CNTN5: variants seen among roughly 807,000 people sequenced by gnomAD.
CNTN5 encodes the protein contactin-5.
A neutral mutation model predicts 129.1 loss-of-function variants in CNTN5; 77 were observed. The ratio of observed to expected loss-of-function variants is 0.60; its 90% CI spans 0.50 to 0.72. The LOEUF is 0.72. Among genes scored for constraint, CNTN5 ranks in the 30% least tolerant of loss-of-function variants. The pLI is 0.00. For synonymous variants in CNTN5, 509 were observed against 465.6 expected (o/e 1.09, Z -1.20); for missense variants, 1,478 against 1,328.8 (o/e 1.11, Z -1.75).
intron 1 of CNTN5, among the ~76,000 whole-genome samples, chr11:99,041,007 G>A (rs1266608194): frequency 6.6e-6 from 1 of 152,096 alleles, no homozygotes. Context: ...TGTATTAAGA[G>A]AAAGAAGTGT....
intron 3 of CNTN5, among the ~76,000 whole-genome samples, chr11:99,744,426 C>T (rs890467236): frequency 6.6e-6 from 1 of 151,544 alleles, no homozygotes. Flanking sequence ...TGGGACTGGG[C>T]CCTGTGGCTC....
chr11:99,540,974 A>C (rs979119427), intron 2 of CNTN5, among the ~76,000 whole-genome samples: 2 of 152,182 alleles, frequency 1.3e-5, no homozygotes, highest in African/African-American at 4.8e-5. Flanking sequence ...AAAAAGAAAT[A>C]ATCAGTTTTG....
At chr11:99,728,105 A>G (rs1943413662) in intron 3 of CNTN5, among the ~76,000 whole-genome samples, 1 of 152,184 alleles carries the variant, frequency 6.6e-6, no homozygotes, top group Admixed American at 6.5e-5. Context: ...AGTAGGGAAA[A>G]GTGATGGATT....
At chr11:99,770,780 G>T (rs989535926) in intron 3 of CNTN5, among the ~76,000 whole-genome samples, 1 of 151,696 alleles carries the variant, frequency 6.6e-6, no homozygotes, top group African/African-American at 2.4e-5. Context: ...AAATTTCAAT[G>T]GATTTTTTAC....
rs562641841 is a variant in CNTN5 at position 99,094,985 on chromosome 11, C to CT, written c.-210+73722dup. Among the ~76,000 whole-genome samples the CT allele has an allele frequency of 3.3e-5, 5 of 151,832 alleles. No homozygotes were observed. The East Asian group carries it at 7.7e-4, about 23-fold the overall frequency. ...ATTATTATTATTATTAGGTTTCTAT[C>CT]TTTTTTTAAAATTATACTTTAACTT... On this transcript the variant is annotated intron_variant, in intron 1 of 24. Coordinates refer to ENST00000524871, the MANE Select transcript of CNTN5 (RefSeq NM_014361.4).
At chr11:99,330,447 A>G (rs920165215) in intron 2 of CNTN5, among the ~76,000 whole-genome samples, 2 of 152,196 alleles carry the variant, frequency 1.3e-5, no homozygotes, top group African/African-American at 4.8e-5. Flanking sequence ...AAGAGATCTC[A>G]TACATAATGG....
At chr11:100,292,433 C>T (rs1440408550) in intron 18 of CNTN5, among the ~76,000 whole-genome samples, 1 of 151,960 alleles carries the variant, frequency 6.6e-6, no homozygotes, top group Non-Finnish European at 1.5e-5. Context: ...CCTGGGCTGC[C>T]AAAATCTAGA....
intron 3 of CNTN5, among the ~76,000 whole-genome samples, chr11:99,651,398 A>G (rs907237195): frequency 2.0e-5 from 3 of 151,972 alleles, no homozygotes; most frequent in African/African-American, 7.2e-5. Flanking sequence ...TATCTTCCCT[A>G]AAAGCAATTC....
intron 6 of CNTN5, among the ~76,000 whole-genome samples, chr11:99,864,270 G>C (rs1021031707): frequency 6.6e-6 from 1 of 151,908 alleles, no homozygotes; most frequent in African/African-American, 2.4e-5. Flanking sequence ...TAGAATGAAA[G>C]AGATACTATC....
chr11:100,041,020 C>T (rs923918782), intron 9 of CNTN5, among the ~76,000 whole-genome samples: 12 of 152,168 alleles, frequency 7.9e-5, no homozygotes, highest in African/African-American at 2.7e-4. Flanking sequence ...GTGAGATGAA[C>T]CCGGTACCTC....
At chr11:99,801,152 G>A (rs1946102559) in intron 3 of CNTN5, among the ~76,000 whole-genome samples, 1 of 152,272 alleles carries the variant, frequency 6.6e-6, no homozygotes, top group African/African-American at 2.4e-5. Context: ...CTTAGGGCTT[G>A]CTCGTCTGCA....
intron 3 of CNTN5, among the ~76,000 whole-genome samples, chr11:99,747,247 T>A (rs1255548417): frequency 6.6e-6 from 1 of 152,186 alleles, no homozygotes; most frequent in Admixed American, 6.5e-5. Flanking sequence ...GTACTACTGA[T>A]TTTTGTATGT....
chr11:100,284,495 A>G (rs935214241), intron 18 of CNTN5, among the ~76,000 whole-genome samples: 2 of 152,312 alleles, frequency 1.3e-5, no homozygotes, highest in East Asian at 1.9e-4. Context: ...TACTTTCTCT[A>G]TTATTTAAAA....
At chr11:100,277,925 T>C (rs1452310025) in intron 18 of CNTN5, among the ~76,000 whole-genome samples, 4 of 152,152 alleles carry the variant, frequency 2.6e-5, no homozygotes, top group Admixed American at 6.5e-5. Flanking sequence ...TGTTTTCCTG[T>C]AGTAGTTTCA....
At chr11:99,906,371 A>C (rs887278600) in intron 6 of CNTN5, among the ~76,000 whole-genome samples, 2 of 152,118 alleles carry the variant, frequency 1.3e-5, no homozygotes, top group African/African-American at 2.4e-5. Context: ...ATTTTGTTGA[A>C]GGTCGTTTTT....
chr11:99,164,295 C>A (rs1860769881), intron 1 of CNTN5, among the ~76,000 whole-genome samples: 1 of 147,262 alleles, frequency 6.8e-6, no homozygotes, highest in African/African-American at 2.5e-5. Flanking sequence ...TATACTCCAG[C>A]CTGGGCAAGA....
At chr11:100,005,157 C>T (rs1316059600) in intron 9 of CNTN5, among the ~76,000 whole-genome samples, 1 of 152,136 alleles carries the variant, frequency 6.6e-6, no homozygotes, top group Non-Finnish European at 1.5e-5. Flanking sequence ...ACATAGCATT[C>T]AGGAAATAGG....
At chr11:99,379,354 A>C (rs530518182) in intron 2 of CNTN5, among the ~76,000 whole-genome samples, 17 of 151,888 alleles carry the variant, frequency 1.1e-4, no homozygotes, top group Non-Finnish European at 1.6e-4. Flanking sequence ...TAATGGGCTT[A>C]AGTTATTCAT....
At chr11:99,774,907 A>G (rs1451209357) in intron 3 of CNTN5, among the ~76,000 whole-genome samples, 4 of 152,082 alleles carry the variant, frequency 2.6e-5, no homozygotes, top group South Asian at 2.1e-4. Flanking sequence ...CCAAGTATCT[A>G]TTTCTTAGTG....
Sources: allele counts gnomAD v4.1 joint callset (sites outside exome capture counted in the v4.1 genomes callset), GRCh38; gene constraint gnomAD v4.1.1; transcripts MANE v1.5; gene names NCBI Gene and HGNC (gene_info 2026-07-23, HGNC 2026-07-21).